Variants in MRC2 observed in about 807,000 individuals in gnomAD.
The protein encoded by MRC2 is C-type mannose receptor 2.
In MRC2, 84 loss-of-function variants were observed where a neutral mutation model predicts 206.2. The observed-to-expected ratio is 0.41, with a 90% CI of 0.34 to 0.49. MRC2 has a LOEUF of 0.49. MRC2 is among the 20% of genes least tolerant of loss of function. The pLI, the probability that MRC2 is intolerant of heterozygous loss-of-function variation, is 0.31. For synonymous variants in MRC2, 798 were observed against 800.0 expected (o/e 1.00, Z 0.04); for missense variants, 1,676 against 2,001.5 (o/e 0.84, Z 3.10).
chr17:62,676,337 T>C, intron 10 of MRC2, 46 bp from the exon 11 acceptor site: 4 of 1,607,072 alleles, frequency 2.5e-6, no homozygotes, highest in Non-Finnish European at 3.4e-6. Flanking sequence ...GACTGGGGGA[T>C]TGGGAAGCAG....
chr17:62,688,699 G>A (rs370709142), intron 22 of MRC2, 35 bp downstream of exon 22: 19 of 1,607,770 alleles, frequency 1.2e-5, no homozygotes, highest in African/African-American at 2.7e-5. Flanking sequence ...TCCGCACCGC[G>A]CTGCCCTAAG....
rs142505428 is a variant in MRC2 at position 62,686,417 on chromosome 17, C to T, written c.2947-1872C>T. ...GCAGTGAGCTGAGATTGCGCCATTG[C>T]ACTCCAGCCTGGGCAACAAAGCAAG... On this transcript the variant is annotated intron_variant, in intron 20 of 29. Coordinates refer to ENST00000303375, the MANE Select transcript of MRC2 (RefSeq NM_006039.5). 7.9e-3 allele frequency among the ~76,000 whole-genome samples: 1,198 copies of T among 151,814 alleles called. 15 individuals carry two copies. Among genetic ancestry groups the T allele is most frequent in the African/African-American group, 0.028 (1,150 of 41,384 alleles).
intron 1 of MRC2, among the ~76,000 whole-genome samples, chr17:62,651,477 C>G (rs2088555372): frequency 6.6e-6 from 1 of 152,186 alleles, no homozygotes; most frequent in South Asian, 2.1e-4. Flanking sequence ...GGGCACTTGG[C>G]CAGTGAAAAC....
At chr17:62,633,240 T>C (rs535645601) in intron 1 of MRC2, among the ~76,000 whole-genome samples, 2 of 152,238 alleles carry the variant, frequency 1.3e-5, no homozygotes, top group Admixed American at 6.5e-5. Flanking sequence ...AGGTGGCTCA[T>C]GCCTGTAATC....
At chr17:62,659,873 G>C (rs1189833850) in intron 1 of MRC2, among the ~76,000 whole-genome samples, 2 of 152,224 alleles carry the variant, frequency 1.3e-5, no homozygotes, top group Non-Finnish European at 2.9e-5. Flanking sequence ...CTGGTTGTTT[G>C]TGATTATTAT....
At position 62,666,379 on chromosome 17, in the gene MRC2, C is replaced by T. The variant is rs941472187; in HGVS notation, c.695-76C>T. On this transcript the variant is annotated intron_variant, in intron 3 of 29. Transcript: ENST00000303375. This position sits in a 1 kb window ranked among gnomAD's most constrained non-coding sequence, Gnocchi z 5.0. ...CTGCCCCCTCCCCTACCTAGTGTAG[C>T]CTTTTGGTGGGGGAGGGTCTGCACT... The T allele has an allele frequency of 1.9e-6, 3 of 1,603,030 alleles. No homozygotes were observed. The highest frequency in any genetic ancestry group is 1.3e-5 in the African/African-American group (1 of 74,636).
intron 20 of MRC2, among the ~76,000 whole-genome samples, chr17:62,687,756 G>A (rs1178952524): frequency 6.6e-6 from 1 of 152,112 alleles, no homozygotes; most frequent in African/African-American, 2.4e-5. Flanking sequence ...GGTGGTGGGC[G>A]CCTGCAGTCC....
rs767946605 is a variant in MRC2 at position 62,667,513 on chromosome 17, C to A, written c.1097C>A (p.Thr366Lys). ...GTGTGCAAGAAGAAGCCCAACGCCACGGCCGAGCCCACCCCTCCAGGTGAG... is the reference window on the plus strand; with the variant it reads ...GTGTGCAAGAAGAAGCCCAACGCCAAGGCCGAGCCCACCCCTCCAGGTGAG... Reference protein sequence around the residue: ...PYVCKKKPNATAEPTPPDRWA... With the variant: ...PYVCKKKPNAKAEPTPPDRWA... The change falls in exon 6 of 30, where the codon ACG becomes AAG. Residue 366 changes from threonine to lysine, a missense_variant. By Grantham distance (78) the Thr-to-Lys change is moderately conservative. Around this residue, in one of 3 missense-constraint regions of MRC2, gnomAD observed 1,354 missense variants for 1,636.6 expected, o/e 0.83. Transcript: ENST00000303375. This position sits in a 1 kb window ranked among gnomAD's most constrained non-coding sequence, Gnocchi z 4.1. 2 of 1,610,840 alleles carry A rather than the reference C, an allele frequency of 1.2e-6. No homozygotes were observed. Among genetic ancestry groups the A allele is most frequent in the Admixed American group, 3.4e-5 (2 of 59,562 alleles).
intron 1 of MRC2, among the ~76,000 whole-genome samples, chr17:62,636,124 C>T (rs2088314966): frequency 2.7e-5 from 4 of 150,904 alleles, no homozygotes; most frequent in Admixed American, 6.6e-5. Flanking sequence ...CACAGTGGTG[C>T]GTGCCTGTAG....
rs371848681 is a variant in MRC2 at position 62,676,107 on chromosome 17, G to A, written c.1685+202G>A. ...GTGACCCCAGTGTAGGGCAGGGCCC[G>A]GGCAGGCACAGGTGTGGGCTGGATA... On this transcript the variant is annotated intron_variant, in intron 10 of 29. Coordinates refer to ENST00000303375, the MANE Select transcript of MRC2 (RefSeq NM_006039.5). Among the ~76,000 whole-genome samples, 9 of 152,282 alleles carry A rather than the reference G, an allele frequency of 5.9e-5. No homozygotes were observed. The East Asian group carries it at 7.7e-4, about 13-fold the overall frequency.
intron 6 of MRC2, among the ~76,000 whole-genome samples, chr17:62,668,776 G>A (rs1214117312): frequency 1.3e-5 from 2 of 152,168 alleles, no homozygotes; most frequent in Non-Finnish European, 2.9e-5. Flanking sequence ...TGATCATAGA[G>A]ACAGCTTTAG....
In MRC2 at chr17:62,690,170, C is replaced by G. The variant is rs763671736; in HGVS notation, c.3757C>G (p.Arg1253Gly). The G allele has an allele frequency of 6.2e-7, 1 of 1,606,368 alleles. No homozygotes were observed. ...TACCCCCACAGGGCCCCCTCCTCCC[C>G]GAAGAATAAGCTACCATGGCAGCTG... ...CGVSSGPPPPRRISYHGSCPQ... is the reference protein window; with the variant it reads ...CGVSSGPPPPGRISYHGSCPQ... Residue 1253 changes from arginine to glycine, a missense_variant, in exon 26 of 30, where the codon CGA becomes GGA. Arg to Gly is a moderately radical substitution (Grantham distance 125, BLOSUM62 -2). Transcript: ENST00000303375.
At chr17:62,691,694 C>T (rs796381518) in intron 28 of MRC2, among the ~76,000 whole-genome samples, 3 of 147,346 alleles carry the variant, frequency 2.0e-5, no homozygotes, top group South Asian at 2.2e-4. Context: ...TTGCTTCAAC[C>T]GTGGAGGTGG....
At chr17:62,691,991 G>GA (rs201322719) in intron 28 of MRC2, 121 bp from the exon 29 acceptor site, 26,750 of 1,299,094 alleles carry the variant, frequency 0.021, 382 homozygotes, top group Non-Finnish European at 0.024. Flanking sequence ...ATGGGAGGGG[G>GA]AACTAGAGCC....
intron 26 of MRC2, 113 bp downstream of exon 26, chr17:62,690,418 C>T: frequency 2.1e-6 from 3 of 1,413,154 alleles, no homozygotes; most frequent in Non-Finnish European, 9.5e-7. Context: ...GCAGCACTTA[C>T]ACAAGATGCC....
At chr17:62,665,406 C>T (rs1025799682) in intron 2 of MRC2, among the ~76,000 whole-genome samples, 8 of 143,630 alleles carry the variant, frequency 5.6e-5, no homozygotes, top group Admixed American at 5.4e-4. Context: ...CTCTGTCCCC[C>T]CCCCCACAAA....
chr17:62,680,644 G>A lies in MRC2; in HGVS notation c.2474-156G>A. On this transcript the variant is annotated intron_variant, in intron 16 of 29. Transcript: ENST00000303375. This position sits in a 1 kb window ranked among gnomAD's most constrained non-coding sequence, Gnocchi z 4.8. ...CGTGTGGGAGGCGAGGCAAGCCTGGGGCCTGGGGCCTGGCACGGTGCCTGC... is the reference window on the plus strand; with the variant it reads ...CGTGTGGGAGGCGAGGCAAGCCTGGAGCCTGGGGCCTGGCACGGTGCCTGC... 1 of 1,254,584 alleles carries A rather than the reference G, an allele frequency of 8.0e-7. No homozygotes were observed. The highest frequency in any genetic ancestry group is 1.1e-6 in the Non-Finnish European group (1 of 931,122). The allele number at this position is 1,254,584 out of a possible 1,614,324, so 77.7% of individuals were successfully genotyped here. A position where few individuals can be genotyped will look rare whatever the true frequency, so the allele number is the denominator to read the frequency against.
chr17:62,672,195 C>A lies in MRC2; in HGVS notation c.1461+43C>A. ...CTATCACAGGGCCACAAAATACACC[C>A]CCAACCTCCAGGTGCCACCCCAGCT... On this transcript the variant is annotated intron_variant, in intron 8 of 29. Transcript: ENST00000303375. This position sits in a 1 kb window ranked among gnomAD's most constrained non-coding sequence, Gnocchi z 4.5. The A allele has an allele frequency of 6.2e-7, 1 of 1,610,136 alleles. No homozygotes were observed. Among genetic ancestry groups the A allele is most frequent in the South Asian group, 1.1e-5 (1 of 90,962 alleles).
intron 1 of MRC2, among the ~76,000 whole-genome samples, chr17:62,659,368 C>T (rs539070723): frequency 2.6e-5 from 4 of 152,116 alleles, no homozygotes; most frequent in South Asian, 2.1e-4. Flanking sequence ...GGTGAAACTG[C>T]GTCTGTACTA....
Sources: gnomAD v4.1 joint callset for allele counts (sites outside exome capture counted in the v4.1 genomes callset) on GRCh38, gnomAD v4.1.1 for gene constraint, gnomAD v4.1.1 regional missense constraint, Gnocchi (gnomAD v3.1) non-coding constraint, MANE v1.5 for transcripts, NCBI Gene and HGNC (gene_info 2026-07-23, HGNC 2026-07-21) for gene names.